CDK13: variants seen among roughly 807,000 people sequenced by gnomAD.
CDK13 encodes the protein cyclin dependent kinase 13.
Under a neutral mutation model 137.6 loss-of-function variants are expected in CDK13, and 40 were observed. That is an observed-to-expected ratio of 0.29 (90% CI 0.23 to 0.38). The LOEUF (loss-of-function observed/expected upper bound fraction) is 0.38, where lower values mean the gene tolerates loss of function less well. Among genes scored for constraint, CDK13 ranks in the 10% least tolerant of loss-of-function variants. CDK13 has a pLI of 1.00. For synonymous variants in CDK13, 869 were observed against 760.1 expected, an observed-to-expected ratio of 1.14 and a Z score of -2.36; for missense variants, 1,704 against 1,951.8, an observed-to-expected ratio of 0.87 and a Z score of 2.39.
Position 39,987,770 on chromosome 7 carries a change from AGCAGAGGCAGCAAGAGCC to A in CDK13, c.1389_1406del (p.Arg466_Ala471del). 2 of 1,614,156 alleles carry A rather than the reference AGCAGAGGCAGCAAGAGCC, an allele frequency of 1.2e-6. No individual in the cohort carries two copies. The highest frequency in any genetic ancestry group is 1.7e-6 in the Non-Finnish European group (2 of 1,179,998). ...TGAACAAGAATAAAAAAGCACGAGC[AGCAGAGGCAGCAAGAGCC>A]GCAGAAGCAGCGAAAGCTGCAGAAG... On this transcript the variant is annotated inframe_deletion, in exon 2 of 14. Coordinates refer to ENST00000181839, the MANE Select transcript of CDK13 (RefSeq NM_003718.5).
chr7:40,027,188 A>G (rs575458606), intron 5 of CDK13, among the ~76,000 whole-genome samples: 1 of 152,276 alleles, frequency 6.6e-6, no homozygotes, highest in East Asian at 1.9e-4. Context: ...TACTAAAAAT[A>G]CAGAACATTT....
At chr7:39,971,525 A>G (rs1266476501) in intron 1 of CDK13, among the ~76,000 whole-genome samples, 1 of 152,088 alleles carries the variant, frequency 6.6e-6, no homozygotes, top group African/African-American at 2.4e-5. Context: ...TCAAAAAAAC[A>G]AAACAAAAAA....
intron 5 of CDK13, among the ~76,000 whole-genome samples, chr7:40,012,433 C>T (rs1404581881): frequency 6.6e-6 from 1 of 151,798 alleles, no homozygotes; most frequent in Non-Finnish European, 1.5e-5. Flanking sequence ...ACCACATCTC[C>T]TCAGAAAATT....
intron 1 of CDK13, among the ~76,000 whole-genome samples, chr7:39,959,067 A>T (rs992990897): frequency 6.6e-6 from 1 of 152,152 alleles, no homozygotes; most frequent in Admixed American, 6.5e-5. Flanking sequence ...CTGGGATTAT[A>T]GTTGTGAGCC....
chr7:40,092,236 C>T (rs10951625), intron 12 of CDK13: 13,843 of 152,314 alleles, frequency 0.091, 1,007 homozygotes, highest in East Asian at 0.33. Context: ...AGAGAAAGTA[C>T]GGTGTAGTTA....
intron 1 of CDK13, among the ~76,000 whole-genome samples, chr7:39,983,822 A>G (rs1165984161): frequency 2.6e-5 from 4 of 152,222 alleles, no homozygotes; most frequent in Non-Finnish European, 5.9e-5. Context: ...TTTGGTTCCT[A>G]TATTAAAGTT....
chr7:40,033,247 T>C (rs1208745474), intron 5 of CDK13, among the ~76,000 whole-genome samples: 1 of 151,750 alleles, frequency 6.6e-6, no homozygotes, highest in African/African-American at 2.4e-5. Flanking sequence ...TGAGCCACCA[T>C]GCCTGGCCTG....
intron 6 of CDK13, among the ~76,000 whole-genome samples, chr7:40,047,480 A>G (rs17538069): frequency 0.013 from 1,934 of 152,256 alleles, 40 homozygotes; most frequent in African/African-American, 0.045. Context: ...CTTACTGCTA[A>G]GTAATAAAAA....
At position 40,094,887 on chromosome 7, in the gene CDK13, T is replaced by C; in HGVS notation, c.4446T>C (p.Thr1482=). ...GPSLMHGQTW[T]SPAQGPGYSQ... ...GCCTCATGCATGGACAGACCTGGAC[T>C]TCTCCTGCCCAAGGACCTGGATATT... Residue 1482 remains threonine (T), a synonymous_variant, in exon 14 of 14, where the codon ACT becomes ACC. Transcript: ENST00000181839. 1 of 1,512,524 alleles carries C rather than the reference T, an allele frequency of 6.6e-7. No homozygotes were observed. The highest frequency in any genetic ancestry group is 8.8e-7 in the Non-Finnish European group (1 of 1,132,068). The allele number at this position is 1,512,524 out of a possible 1,614,324, so 93.7% of individuals were successfully genotyped here. A position where few individuals can be genotyped will look rare whatever the true frequency, so the allele number is the denominator to read the frequency against.
In CDK13 at chr7:40,003,200, A is replaced by ACTCTCT. The variant is rs1252886780; in HGVS notation, c.2353+1170_2353+1171insTCTCTC. Among the ~76,000 whole-genome samples the ACTCTCT allele has an allele frequency of 2.1e-3, 183 of 86,326 alleles. 1 individual carries two copies. The highest frequency in any genetic ancestry group is 2.5e-3 in the Non-Finnish European group (105 of 41,698). 56.6% of individuals were successfully genotyped at this position (86,326 alleles called of 152,430 possible). On this transcript the variant is annotated intron_variant, in intron 5 of 13. Coordinates refer to ENST00000181839, the MANE Select transcript of CDK13 (RefSeq NM_003718.5). ...CACACACACACACACACACACACAC[A>ACTCTCT]CACACACTCTCTCTCTCTCTCTCTC...
chr7:39,951,865 G>T lies in CDK13; in HGVS notation c.1211+13G>T. The T allele has an allele frequency of 7.4e-7, 1 of 1,353,510 alleles. No individual in the cohort carries two copies. The allele number at this position is 1,353,510 out of a possible 1,614,324, so 83.8% of individuals were successfully genotyped here. ...GCCCTGTGCTCAGGTGAGTTCTGCC[G>T]TTCTGCCTGTGTGTGCCTTGGCTGC... On this transcript the variant is annotated intron_variant, in intron 1 of 13. Coordinates refer to ENST00000181839, the MANE Select transcript of CDK13 (RefSeq NM_003718.5).
At chr7:40,045,432 CT>C (rs11362792) in intron 5 of CDK13, among the ~76,000 whole-genome samples, 8,350 of 130,698 alleles carry the variant, frequency 0.064, 616 homozygotes, top group African/African-American at 0.18. Context: ...GGCCTGTACT[CT>C]TTTTTTTTTT....
chr7:39,959,006 A>T (rs951650748), intron 1 of CDK13, among the ~76,000 whole-genome samples: 1 of 151,826 alleles, frequency 6.6e-6, no homozygotes, highest in Admixed American at 6.6e-5. Context: ...GGCCAGGCTG[A>T]TCTTGAACTC....
chr7:40,027,193 A>G (rs956466663), intron 5 of CDK13, among the ~76,000 whole-genome samples: 1 of 152,082 alleles, frequency 6.6e-6, no homozygotes, highest in Admixed American at 6.6e-5. Flanking sequence ...AAAATACAGA[A>G]CATTTGCTGG....
rs140319320 is a variant in CDK13 at position 40,028,471 on chromosome 7, G to A, written c.2354-17365G>A. Among the ~76,000 whole-genome samples, 7 of 152,132 alleles carry A rather than the reference G, an allele frequency of 4.6e-5. No homozygotes were observed. The East Asian group carries it at 7.7e-4, about 17-fold the overall frequency. On this transcript the variant is annotated intron_variant, in intron 5 of 13. Transcript: ENST00000181839. ...TTGACCTCATGATCTGCCCGCCTTG[G>A]CCTCCCAAAGTGCTGGGATTACAGG...
chr7:40,012,050 T>C (rs1562727520), intron 5 of CDK13, among the ~76,000 whole-genome samples: 1 of 152,118 alleles, frequency 6.6e-6, no homozygotes, highest in Non-Finnish European at 1.5e-5. Flanking sequence ...ACTTAGTTAT[T>C]AGGGAAGTGC....
In CDK13 at chr7:40,089,085, A is replaced by ATGTGTG. The variant is rs140567334; in HGVS notation, c.3235+767_3235+772dup. On this transcript the variant is annotated intron_variant, in intron 12 of 13. Coordinates refer to ENST00000181839, the MANE Select transcript of CDK13 (RefSeq NM_003718.5). ...CAGGAGCGAGACTCCATCTCAAAAT[A>ATGTGTG]TGTGTGTGTGTGTGTGTGAGTGAAT... Among the ~76,000 whole-genome samples the ATGTGTG allele has an allele frequency of 3.4e-5, 5 of 148,582 alleles. No individual in the cohort carries two copies. In the East Asian group the frequency reaches 8.1e-4, roughly 24 times the overall value.
At chr7:40,006,838 G>C (rs1179564336) in intron 5 of CDK13, among the ~76,000 whole-genome samples, 2 of 152,126 alleles carry the variant, frequency 1.3e-5, no homozygotes, top group Non-Finnish European at 2.9e-5. Context: ...TCGAGTCATT[G>C]ATCTTTATTT....
At chr7:40,051,893 C>T (rs1399688620) in intron 7 of CDK13, among the ~76,000 whole-genome samples, 3 of 152,144 alleles carry the variant, frequency 2.0e-5, no homozygotes, top group African/African-American at 7.2e-5. Flanking sequence ...TACTTTGTCC[C>T]ATTCTGCATT....
Sources: allele counts gnomAD v4.1 joint callset (sites outside exome capture counted in the v4.1 genomes callset), GRCh38; gene constraint gnomAD v4.1.1; transcripts MANE v1.5; gene names NCBI Gene and HGNC (gene_info 2026-07-23, HGNC 2026-07-21).